The following ERGIC3 variants were observed in gnomAD, a reference collection of about 807,000 sequenced individuals.
ERGIC3 encodes the protein ERGIC and golgi 3, also known as endoplasmic reticulum-Golgi intermediate compartment protein 3.
Under a neutral mutation model 54.7 loss-of-function variants are expected in ERGIC3, and 33 were observed. The observed-to-expected ratio is 0.60, with a 90% confidence interval of 0.46 to 0.81. The LOEUF is 0.81. Among genes scored for constraint, ERGIC3 ranks in the 30% least tolerant of loss-of-function variants. The pLI, the probability that ERGIC3 is intolerant of heterozygous loss-of-function variation, is 0.00. For missense variants in ERGIC3, 399 were observed against 488.4 expected (o/e 0.82, Z 1.73); for synonymous variants, 186 against 189.8 (o/e 0.98, Z 0.16).
At chr20:35,556,464 G>A (rs974677862) in intron 10 of ERGIC3, 193 bp downstream of exon 10, 25 of 620,440 alleles carry the variant, frequency 4.0e-5, no homozygotes, top group Middle Eastern at 8.1e-4. Flanking sequence ...GATTTAAAGC[G>A]CCTGCTCTTT....
rs1420238405 is a variant in ERGIC3 at position 35,547,403 on chromosome 20, TC to T, written c.368-5del. The stretch of plus-strand genomic sequence containing the variant: ...CCAGCTGATGCCTCTGCTTCTCCCC[TC>T]CCCTTAGAGCTTGGGAAAGTCGAGG... On this transcript the variant is annotated splice_polypyrimidine_tract_variant and splice_region_variant and intron_variant, in intron 4 of 12. Coordinates refer to ENST00000348547, the MANE Select transcript of ERGIC3 (RefSeq NM_015966.3). 6.2e-7 allele frequency: 1 copy of T among 1,613,040 alleles called. No individual in the cohort carries two copies. The highest frequency in any genetic ancestry group is 8.5e-7 in the Non-Finnish European group (1 of 1,179,192).
rs1243751058 is a variant in ERGIC3 at position 35,557,094 on chromosome 20, TGACG to T, written c.1004_1007del (p.Thr335ArgfsTer10). Reference sequence around the variant, plus strand: ...GAGCTCTCGCCCATGATGGTGAAGCTGACGGAGAAGCACAGGTGAGGATGGGGGC... The same window carrying T: ...GAGCTCTCGCCCATGATGGTGAAGCTGAGAAGCACAGGTGAGGATGGGGGC... On this transcript the variant is annotated frameshift_variant, in exon 11 of 13. Coordinates refer to ENST00000348547, the MANE Select transcript of ERGIC3 (RefSeq NM_015966.3). LOFTEE classifies it high-confidence loss of function. The T allele has an allele frequency of 6.2e-7, 1 of 1,614,228 alleles. No homozygotes were observed. The highest frequency in any genetic ancestry group is 1.7e-5 in the Admixed American group (1 of 60,032).
chr20:35,543,973 G>C (rs2064631748), intron 4 of ERGIC3: 1 of 309,306 alleles, frequency 3.2e-6, no homozygotes, highest in African/African-American at 2.2e-5. Context: ...ATCTCACGAG[G>C]TTGCAGTCAT....
chr20:35,544,546 G>T, intron 4 of ERGIC3: 1 of 276,470 alleles, frequency 3.6e-6, no homozygotes, highest in Non-Finnish European at 7.6e-6. Context: ...TTGAGGGCCC[G>T]TTTGTCCTTG....
chr20:35,552,982 C>G (rs879809958), intron 7 of ERGIC3, among the ~76,000 whole-genome samples: 5 of 132,244 alleles, frequency 3.8e-5, no homozygotes, highest in Non-Finnish European at 7.8e-5. Flanking sequence ...GTGACTGAAA[C>G]AAGCAGGGCT....
At position 35,548,655 on chromosome 20, in the gene ERGIC3, G is replaced by A. The variant is rs752814923; in HGVS notation, c.608G>A (p.Gly203Asp). Residue 203 changes from glycine (G) to aspartate (D), a missense_variant, in exon 6 of 13, where the codon GGC (glycine) becomes GAC (aspartate). Gly to Asp is a moderately conservative substitution (Grantham distance 94). Transcript: ENST00000348547. Reference sequence around the variant, plus strand: ...AAGAATGAAGGCTGCCAGGTGTATGGCTTCTTGGAAGTCAATAAGGTATCA... The same window carrying A: ...AAGAATGAAGGCTGCCAGGTGTATGACTTCTTGGAAGTCAATAAGGTATCA... Reference protein sequence around the residue: ...EQKNEGCQVYGFLEVNKVAGN... With the variant: ...EQKNEGCQVYDFLEVNKVAGN... 2 of 1,614,238 alleles carry A rather than the reference G, an allele frequency of 1.2e-6. No individual in the cohort carries two copies. The highest frequency in any genetic ancestry group is 1.7e-6 in the Non-Finnish European group (2 of 1,180,038).
intron 7 of ERGIC3, among the ~76,000 whole-genome samples, chr20:35,550,643 C>T (rs1601364802): frequency 1.3e-5 from 2 of 152,036 alleles, no homozygotes; most frequent in South Asian, 2.1e-4. Context: ...AAAGAGAGGT[C>T]ACAGGGCCAT....
At position 35,542,335 on chromosome 20, in the gene ERGIC3, G is replaced by T; in HGVS notation, c.101G>T (p.Ser34Ile). ...CCTTGTCCTGCAGTGACCATTGTCAGTGGCCTTCTCATGCTGCTACTGTTC... is the reference window on the plus strand; with the variant it reads ...CCTTGTCCTGCAGTGACCATTGTCATTGGCCTTCTCATGCTGCTACTGTTC... ...TCGGATVTIV[S>I]GLLMLLLFLS... is the part of the protein sequence containing the mutation. The change falls in exon 2 of 13, where the codon AGT becomes ATT. Residue 34 changes from serine (S) to isoleucine (I), a missense_variant. By Grantham distance (142) the Ser-to-Ile change is moderately radical. Coordinates refer to ENST00000348547, the MANE Select transcript of ERGIC3 (RefSeq NM_015966.3). The T allele has an allele frequency of 6.2e-7, 1 of 1,614,042 alleles. No individual in the cohort carries two copies. The highest frequency in any genetic ancestry group is 8.5e-7 in the Non-Finnish European group (1 of 1,180,032).
chr20:35,555,949 C>A, intron 8 of ERGIC3, 84 bp from the exon 9 acceptor site: 2 of 1,307,154 alleles, frequency 1.5e-6, no homozygotes, highest in South Asian at 1.3e-5. Context: ...CCCTTCCTCC[C>A]ACATCTCCGC....
rs183932836 is a variant in ERGIC3 at position 35,550,553 on chromosome 20, T to G, written c.685+1688T>G. 2.6e-3 allele frequency among the ~76,000 whole-genome samples: 389 copies of G among 151,962 alleles called. 2 individuals carry two copies. Among genetic ancestry groups the G allele is most frequent in the African/African-American group, 9.1e-3 (375 of 41,428 alleles). ...ATCTCTTGAACCTGGGAGGTGGAGG[T>G]TGCAGTGAGCTGAAATTGCGCCATT... On this transcript the variant is annotated intron_variant, in intron 7 of 12. Transcript: ENST00000348547.
intron 7 of ERGIC3, among the ~76,000 whole-genome samples, chr20:35,550,881 G>A (rs905137546): frequency 6.6e-5 from 10 of 152,206 alleles, no homozygotes; most frequent in African/African-American, 1.9e-4. Context: ...GGCCCAGAGT[G>A]GCAGTGGAAG....
intron 7 of ERGIC3, among the ~76,000 whole-genome samples, chr20:35,553,087 G>GCCTTGA (rs1214767126): frequency 8.6e-6 from 1 of 116,478 alleles, no homozygotes; most frequent in Non-Finnish European, 1.6e-5. Flanking sequence ...GCTCACTGCA[G>GCCTTGA]CCTTGACCTC....
Position 35,557,237 on chromosome 20 carries a change from G to T in ERGIC3, c.1060G>T (p.Gly354Cys). 1 of 1,614,138 alleles carries T rather than the reference G, an allele frequency of 6.2e-7. No homozygotes were observed. The highest frequency in any genetic ancestry group is 8.5e-7 in the Non-Finnish European group (1 of 1,180,006). Residue 354 changes from glycine to cysteine, a missense_variant, in exon 12 of 13, where the codon GGC becomes TGC. By Grantham distance (159) the Gly-to-Cys change is radical. Coordinates refer to ENST00000348547, the MANE Select transcript of ERGIC3 (RefSeq NM_015966.3). ...GACAGGTGTGTGCGCCATCATTGGG[G>T]GCATGTTCACAGGTAAGAGGCCCAG... ...FLTGVCAIIG[G>C]MFTVAGLIDS...
chr20:35,543,458 G>C (rs1354825884), intron 4 of ERGIC3: 1 of 367,062 alleles, frequency 2.7e-6, no homozygotes, highest in African/African-American at 2.1e-5. Context: ...ACATGGAATT[G>C]TAAGATCAAA....
In ERGIC3 at chr20:35,556,028, T is replaced by C. The variant is rs752507616; in HGVS notation, c.718-5T>C. ...TGGATGAGCTCTGGATGGTGTTGTT[T>C]ACAGATCAACATGACCCACTACATC... On this transcript the variant is annotated splice_region_variant and splice_polypyrimidine_tract_variant and intron_variant, in intron 8 of 12. Transcript: ENST00000348547. 2 of 1,613,726 alleles carry C rather than the reference T, an allele frequency of 1.2e-6. No homozygotes were observed. Among genetic ancestry groups the C allele is most frequent in the South Asian group, 1.1e-5 (1 of 91,070 alleles).
chr20:35,557,128 C>T lies in ERGIC3; in HGVS notation c.1016+19C>T, dbSNP rs377061605. On this transcript the variant is annotated intron_variant, in intron 11 of 12. Coordinates refer to ENST00000348547, the MANE Select transcript of ERGIC3 (RefSeq NM_015966.3). ...AGCACAGGTGAGGATGGGGGCAAAGCGGCCTCTGGGGGCCTGGGCCTGAGG... is the reference window on the plus strand; with the variant it reads ...AGCACAGGTGAGGATGGGGGCAAAGTGGCCTCTGGGGGCCTGGGCCTGAGG... 7.7e-5 allele frequency: 124 copies of T among 1,614,046 alleles called. No individual in the cohort carries two copies. Among genetic ancestry groups the T allele is most frequent in the Non-Finnish European group, 1.0e-4 (119 of 1,179,998 alleles).
intron 5 of ERGIC3, 100 bp from the exon 6 acceptor site, chr20:35,548,409 C>G (rs2064662570): frequency 2.3e-6 from 3 of 1,290,862 alleles, no homozygotes; most frequent in Non-Finnish European, 3.2e-6. Flanking sequence ...GCTAGCAGAG[C>G]CTTCATTAGC....
intron 7 of ERGIC3, 157 bp from the exon 8 acceptor site, chr20:35,554,887 T>C: frequency 1.1e-6 from 1 of 888,744 alleles, no homozygotes; most frequent in Non-Finnish European, 1.9e-6. Context: ...GGCTTGCCCT[T>C]TCTGGCTGTC....
Position 35,550,125 on chromosome 20 carries a change from G to A in ERGIC3, c.685+1260G>A, listed in dbSNP as rs113931310. ...TCCTATTTTAAATATGGAGGTCAGGGAAAAACTCTTTGATGAGGTAATATT... is the reference window on the plus strand; with the variant it reads ...TCCTATTTTAAATATGGAGGTCAGGAAAAAACTCTTTGATGAGGTAATATT... On this transcript the variant is annotated intron_variant, in intron 7 of 12. Coordinates refer to ENST00000348547, the MANE Select transcript of ERGIC3 (RefSeq NM_015966.3). Among the ~76,000 whole-genome samples the A allele has an allele frequency of 4.9e-3, 739 of 152,074 alleles. 3 individuals carry two copies. Among genetic ancestry groups the A allele is most frequent in the Non-Finnish European group, 8.6e-3 (585 of 68,004 alleles).
Sources: allele counts gnomAD v4.1 joint callset (sites outside exome capture counted in the v4.1 genomes callset), GRCh38; gene constraint gnomAD v4.1.1; transcripts MANE v1.5; gene names NCBI Gene and HGNC (gene_info 2026-07-23, HGNC 2026-07-21).